Variants in XCL1 observed in about 807,000 individuals in gnomAD.
The protein encoded by XCL1 is X-C motif chemokine ligand 1.
A neutral mutation model predicts 7.4 loss-of-function variants in XCL1; 6 were observed. That is an observed-to-expected ratio of 0.82 (90% CI 0.45 to 1.61). XCL1 has a LOEUF of 1.61. XCL1 is among the 40% of genes most tolerant of loss of function. XCL1 has a pLI of 0.01. For synonymous variants in XCL1, 48 were observed against 52.4 expected (o/e 0.92, Z 0.36); for missense variants, 122 against 138.2 (o/e 0.88, Z 0.59).
At position 168,578,110 on chromosome 1, in the gene XCL1, CAG is replaced by C. The variant is rs563492537; in HGVS notation, c.61+1416_61+1417del. 6.0e-3 allele frequency among the ~76,000 whole-genome samples: 906 copies of C among 152,146 alleles called. 7 individuals carry two copies. Among genetic ancestry groups the C allele is most frequent in the African/African-American group, 0.021 (873 of 41,488 alleles). ...TATTGTTTCTTAAATATGAGAGAAA[CAG>C]AGAAAAAACCCAGATTTTTCCTCTT... On this transcript the variant is annotated intron_variant, in intron 1 of 2. Transcript: ENST00000367818.
chr1:168,577,592 T>A (rs1346416418), intron 1 of XCL1, among the ~76,000 whole-genome samples: 2 of 152,178 alleles, frequency 1.3e-5, no homozygotes, highest in African/African-American at 4.8e-5. Flanking sequence ...TATGATATTA[T>A]AACTTAATAA....
rs534803850 is a variant in XCL1, at chr1:168,579,183, T to C, written c.62-880T>C. 8.3e-5 allele frequency: 33 copies of C among 395,502 alleles called. No homozygotes were observed. In the East Asian group the frequency reaches 2.1e-3, roughly 25 times the overall value. The allele number at this position is 395,502 out of a possible 1,614,324, so 24.5% of individuals were successfully genotyped here. A position where few individuals can be genotyped will look rare whatever the true frequency, so the allele number is the denominator to read the frequency against. On this transcript the variant is annotated intron_variant, in intron 1 of 2. Transcript: ENST00000367818. ...GCTGTTTGGGGGTCTAAGGCTTGGG[T>C]GAACTGGTTAATGGCAGAAGGCACT...
chr1:168,580,062 G>A lies in XCL1; in HGVS notation c.62-1G>A. On this transcript the variant is annotated splice_acceptor_variant, in intron 1 of 2. Transcript: ENST00000367818. LOFTEE classifies it high-confidence loss of function. ...GTCTGTTGTTTTTTTTTCCTCACCA[G>A]GTGTAGGGAGTGAAGTCTCAGATAA... 2 of 1,611,544 alleles carry A rather than the reference G, an allele frequency of 1.2e-6. No individual in the cohort carries two copies. Among genetic ancestry groups the A allele is most frequent in the East Asian group, 2.2e-5 (1 of 44,862 alleles).
Position 168,581,535 on chromosome 1 carries a change from G to T in XCL1, c.*315G>T, listed in dbSNP as rs986111299. 12 of 194,734 alleles carry T rather than the reference G, an allele frequency of 6.2e-5. No homozygotes were observed. Among genetic ancestry groups the T allele is most frequent in the Non-Finnish European group, 1.2e-4 (12 of 97,460 alleles). The allele number at this position is 194,734 out of a possible 1,614,324, so 12.1% of individuals were successfully genotyped here. On this transcript the variant is annotated 3_prime_UTR_variant, in exon 3 of 3. Coordinates refer to ENST00000367818, the MANE Select transcript of XCL1 (RefSeq NM_002995.3). ...ATTCTGGCTAGTGTCTATCAGAGGT[G>T]AAAGCTATATCAATCTCTCTTAGAG...
chr1:168,581,868 T>C lies in XCL1; in HGVS notation c.*648T>C, dbSNP rs1342563496. 1 of 152,220 alleles carries C rather than the reference T, an allele frequency of 6.6e-6. No homozygotes were observed. Among genetic ancestry groups the C allele is most frequent in the African/African-American group, 2.4e-5 (1 of 41,458 alleles). The allele number at this position is 152,220 out of a possible 1,614,324, so 9.4% of individuals were successfully genotyped here. ...TTGGTATAAAGAAACTTTATTCAAG[T>C]AAAAATCAATACCCTTTGAATTGGA... On this transcript the variant is annotated 3_prime_UTR_variant, in exon 3 of 3. Coordinates refer to ENST00000367818, the MANE Select transcript of XCL1 (RefSeq NM_002995.3).
chr1:168,580,821 C>G (rs6687901), intron 2 of XCL1, among the ~76,000 whole-genome samples: 29,519 of 151,936 alleles, frequency 0.19, 4,014 homozygotes, highest in African/African-American at 0.4. Flanking sequence ...GAGAAAAGGA[C>G]CCTGTGAATT....
chr1:168,578,344 G>A (rs1046584174), intron 1 of XCL1, among the ~76,000 whole-genome samples: 4 of 152,188 alleles, frequency 2.6e-5, no homozygotes, highest in African/African-American at 9.6e-5. Flanking sequence ...TACTTTAGAT[G>A]CTTTTTAGCT....
At chr1:168,577,241 C>T (rs1655045451) in intron 1 of XCL1, among the ~76,000 whole-genome samples, 2 of 152,120 alleles carry the variant, frequency 1.3e-5, no homozygotes, top group African/African-American at 4.8e-5. Flanking sequence ...GTTTTCAATA[C>T]AAAACTAAGC....
chr1:168,577,242 A>C (rs1196921468), intron 1 of XCL1, among the ~76,000 whole-genome samples: 5 of 152,216 alleles, frequency 3.3e-5, no homozygotes, highest in Non-Finnish European at 5.9e-5. Context: ...TTTTCAATAC[A>C]AAACTAAGCC....
chr1:168,580,964 A>G, intron 2 of XCL1, 88 bp from the exon 3 acceptor site: 1 of 1,506,624 alleles, frequency 6.6e-7, no homozygotes, highest in African/African-American at 1.4e-5. Flanking sequence ...TCTGCACAAG[A>G]TCTCTTCATG....
Position 168,581,364 on chromosome 1 carries a change from A to G in XCL1, c.*144A>G, listed in dbSNP as rs561863481. 3 of 959,716 alleles carry G rather than the reference A, an allele frequency of 3.1e-6. No individual in the cohort carries two copies. The highest frequency in any genetic ancestry group is 3.4e-5 in the African/African-American group (2 of 59,580). The allele number at this position is 959,716 out of a possible 1,614,324, so 59.5% of individuals were successfully genotyped here. A position where few individuals can be genotyped will look rare whatever the true frequency, so the allele number is the denominator to read the frequency against. On this transcript the variant is annotated 3_prime_UTR_variant, in exon 3 of 3. Transcript: ENST00000367818. ...ATTTTTACTTTTAAATGTCTTCTGT[A>G]TTCACTTATATGTTCTAATTAATAA... is the stretch of plus-strand genomic sequence containing the variant.
chr1:168,576,816 A>G, intron 1 of XCL1, 118 bp downstream of exon 1: 1 of 1,356,792 alleles, frequency 7.4e-7, no homozygotes, highest in Non-Finnish European at 1.0e-6. Context: ...GGAGCCTTAA[A>G]CTTCCCATGT....
chr1:168,579,935 T>C (rs1655116078), intron 1 of XCL1, 128 bp from the exon 2 acceptor site: 2 of 897,344 alleles, frequency 2.2e-6, no homozygotes, highest in Admixed American at 2.8e-5. Flanking sequence ...ATCAGTCCTC[T>C]CTTCCCCCAA....
At chr1:168,577,749 A>T (rs1419438948) in intron 1 of XCL1, among the ~76,000 whole-genome samples, 1 of 152,224 alleles carries the variant, frequency 6.6e-6, no homozygotes, top group East Asian at 1.9e-4. Context: ...TTTTGCTGAG[A>T]CAATGGGCAT....
chr1:168,578,211 A>G (rs1161560112), intron 1 of XCL1, among the ~76,000 whole-genome samples: 1 of 152,216 alleles, frequency 6.6e-6, no homozygotes, highest in Non-Finnish European at 1.5e-5. Flanking sequence ...GCAGACTGGC[A>G]TTGAGAGTGA....
In XCL1 at chr1:168,581,332, C is replaced by G; in HGVS notation, c.*112C>G. On this transcript the variant is annotated 3_prime_UTR_variant, in exon 3 of 3. Coordinates refer to ENST00000367818, the MANE Select transcript of XCL1 (RefSeq NM_002995.3). ...AAAGCACTGCATGAATAAAATTATT[C>G]CTTTGTATTTTTACTTTTAAATGTC... The G allele has an allele frequency of 2.2e-6, 3 of 1,373,496 alleles. No homozygotes were observed. Among genetic ancestry groups the G allele is most frequent in the Non-Finnish European group, 2.9e-6 (3 of 1,036,208 alleles). 85.1% of individuals were successfully genotyped at this position (1,373,496 alleles called of 1,614,324 possible). A position where few individuals can be genotyped will look rare whatever the true frequency, so the allele number is the denominator to read the frequency against.
At position 168,581,277 on chromosome 1, in the gene XCL1, C is replaced by T; in HGVS notation, c.*57C>T. ...GCCAGCTCATTTCACTTTACACGCT[C>T]ATGGACTGAGTTTATACTCACCTTT... On this transcript the variant is annotated 3_prime_UTR_variant, in exon 3 of 3. Transcript: ENST00000367818. 6.3e-7 allele frequency: 1 copy of T among 1,593,480 alleles called. No homozygotes were observed. The highest frequency in any genetic ancestry group is 8.6e-7 in the Non-Finnish European group (1 of 1,167,506).
intron 2 of XCL1, 121 bp from the exon 3 acceptor site, chr1:168,580,931 A>C: frequency 9.5e-6 from 13 of 1,366,470 alleles, no homozygotes; most frequent in Non-Finnish European, 1.3e-5. Flanking sequence ...CATGGCTCTG[A>C]AAGACTATTT....
intron 1 of XCL1, among the ~76,000 whole-genome samples, chr1:168,578,125 G>T (rs1236211806): frequency 2.0e-5 from 3 of 152,116 alleles, no homozygotes; most frequent in African/African-American, 7.2e-5. Flanking sequence ...AAAAAACCCA[G>T]ATTTTTCCTC....
Sources: gnomAD v4.1 joint callset for allele counts (sites outside exome capture counted in the v4.1 genomes callset) on GRCh38, gnomAD v4.1.1 for gene constraint, MANE v1.5 for transcripts, NCBI Gene and HGNC (gene_info 2026-07-23, HGNC 2026-07-21) for gene names.